Variants in NID2 observed in about 807,000 individuals in gnomAD.
The protein encoded by NID2 is nidogen 2.
NID2 carries 83 observed loss-of-function variants against 145.4 expected under a neutral mutation model. That is an observed-to-expected ratio of 0.57 (90% CI 0.48 to 0.69). The LOEUF (loss-of-function observed/expected upper bound fraction) is 0.69. NID2 is among the 30% of genes least tolerant of loss of function. The pLI is 0.00. For synonymous variants in NID2, 739 were observed against 701.3 expected (o/e 1.05, Z -0.85); for missense variants, 1,807 against 1,765.7 (o/e 1.02, Z -0.42).
chr14:52,068,128 G>T lies in NID2; in HGVS notation c.264C>A (p.Phe88Leu). Residue 88 changes from phenylalanine to leucine, a missense_variant, in exon 2 of 22, where the codon TTC becomes TTA. Coordinates refer to ENST00000216286, the MANE Select transcript of NID2 (RefSeq NM_007361.4). ...AGTCCACATACTGCGTTTCCCTGGGGAAGTCCTGAGTGGAGATGATGCCGT... is the reference window on the plus strand; with the variant it reads ...AGTCCACATACTGCGTTTCCCTGGGTAAGTCCTGAGTGGAGATGATGCCGT... ...GTNGIISTQD[F>L]PRETQYVDYD... is the part of the protein sequence containing the mutation. 6.2e-7 allele frequency: 1 copy of T among 1,613,352 alleles called. No homozygotes were observed. The highest frequency in any genetic ancestry group is 8.5e-7 in the Non-Finnish European group (1 of 1,179,900).
intron 5 of NID2, among the ~76,000 whole-genome samples, chr14:52,052,010 C>T (rs1007629688): frequency 4.6e-5 from 7 of 152,130 alleles, no homozygotes; most frequent in African/African-American, 1.7e-4. Flanking sequence ...TACATGACTC[C>T]ATAGATCTGC....
In NID2 at chr14:52,015,034, G is replaced by C; in HGVS notation, c.3250+20C>G. ...GGCCTTAGATACAGCTGAGGGGAGC[G>C]GGGGCGGCCAGGTGCTTACACGCAG... On this transcript the variant is annotated intron_variant, in intron 15 of 21. Transcript: ENST00000216286. The C allele has an allele frequency of 6.3e-7, 1 of 1,595,856 alleles. No individual in the cohort carries two copies. The highest frequency in any genetic ancestry group is 8.6e-7 in the Non-Finnish European group (1 of 1,168,550).
At chr14:52,013,403 G>C (rs1595003704) in intron 16 of NID2, among the ~76,000 whole-genome samples, 1 of 152,178 alleles carries the variant, frequency 6.6e-6, no homozygotes, top group Non-Finnish European at 1.5e-5. Flanking sequence ...CAACAAACTC[G>C]AATCTTAAAA....
rs200783350 is a variant in NID2, at chr14:52,068,919, A to G, written c.76T>C (p.Leu26=). 8.9e-4 allele frequency: 1,434 copies of G among 1,613,978 alleles called. 33 individuals are homozygous for G. The South Asian group carries it at 0.015, about 17-fold the overall frequency. The part of the protein sequence containing the change: ...PVLLLLPLLM[L]RAAALHPDEL... ...TCTGGGTGCAGCGCCGCGGCCCGCA[A>G]CATTAGCAACGGCAGCAGCAGTAGC... is the stretch of plus-strand genomic sequence containing the variant. Residue 26 remains leucine, a synonymous_variant, in exon 1 of 22, where the codon TTG becomes CTG. Transcript: ENST00000216286.
intron 18 of NID2, chr14:52,009,643 G>C (rs1890930311): frequency 6.6e-6 from 1 of 152,148 alleles, no homozygotes; most frequent in Non-Finnish European, 1.5e-5. Flanking sequence ...CAGAGACATG[G>C]CCAAAGTTTC....
At chr14:52,022,340 G>A (rs977662969) in intron 12 of NID2, among the ~76,000 whole-genome samples, 4 of 152,182 alleles carry the variant, frequency 2.6e-5, no homozygotes, top group Non-Finnish European at 5.9e-5. Flanking sequence ...TATCACAAGT[G>A]AGAAATTCCT....
chr14:52,028,324 G>T lies in NID2; in HGVS notation c.2530+398C>A, dbSNP rs139840883. Among the ~76,000 whole-genome samples the T allele has an allele frequency of 2.2e-3, 340 of 151,464 alleles. 1 individual carries two copies. The highest frequency in any genetic ancestry group is 7.9e-3 in the African/African-American group (328 of 41,276). The stretch of plus-strand genomic sequence containing the variant: ...GAGTCTCACTCTATTACCTAGGCTG[G>T]AATGCACTAGCATGCTGTCAGTTCA... On this transcript the variant is annotated intron_variant, in intron 11 of 21. Transcript: ENST00000216286.
Position 52,040,803 on chromosome 14 carries a change from T to C in NID2, c.1874A>G (p.Glu625Gly). The part of the protein sequence containing the change: ...DMEVTFYPGE[E>G]TVRITQTAEG... ...AGCAGTTTGAGTGATACGAACCGTC[T>C]CCTCTCCCGGGTAGAATGTAACTTC... The change falls in exon 8 of 22, where the codon GAG (glutamate) becomes GGG (glycine). Residue 625 changes from glutamate (E) to glycine (G), a missense_variant. Transcript: ENST00000216286. 4 of 1,614,150 alleles carry C rather than the reference T, an allele frequency of 2.5e-6. No individual in the cohort carries two copies. Among genetic ancestry groups the C allele is most frequent in the Non-Finnish European group, 3.4e-6 (4 of 1,180,040 alleles).
chr14:52,026,177 G>A (rs925484948), intron 12 of NID2, among the ~76,000 whole-genome samples: 1 of 152,204 alleles, frequency 6.6e-6, no homozygotes, highest in Non-Finnish European at 1.5e-5. Context: ...GAAACCAAAG[G>A]GGAAAAAGGA....
chr14:52,030,408 T>C (rs1891758706), intron 9 of NID2, among the ~76,000 whole-genome samples: 1 of 149,030 alleles, frequency 6.7e-6, no homozygotes, highest in African/African-American at 2.5e-5. Flanking sequence ...GAGGCTGAGG[T>C]AGGAGGATAG....
At chr14:52,016,050 C>G (rs1151582) in intron 14 of NID2, among the ~76,000 whole-genome samples, 28 of 151,886 alleles carry the variant, frequency 1.8e-4, no homozygotes, top group Admixed American at 7.2e-4. Flanking sequence ...CCTTTCCCCC[C>G]CTTTCTCCAG....
chr14:52,006,849 TC>T, intron 19 of NID2, 189 bp from the exon 20 acceptor site: 2 of 479,138 alleles, frequency 4.2e-6, no homozygotes, highest in Non-Finnish European at 7.2e-6. Flanking sequence ...ATTCAAACTT[TC>T]AATCCTTTTT....
intron 3 of NID2, among the ~76,000 whole-genome samples, chr14:52,059,089 T>A (rs912721042): frequency 6.6e-6 from 1 of 152,224 alleles, no homozygotes; most frequent in Non-Finnish European, 1.5e-5. Flanking sequence ...TCATAGGCAA[T>A]TTACTTAACT....
At chr14:52,025,041 A>G (rs1891542935) in intron 12 of NID2, among the ~76,000 whole-genome samples, 1 of 152,226 alleles carries the variant, frequency 6.6e-6, no homozygotes, top group Non-Finnish European at 1.5e-5. Context: ...AATATTTTAA[A>G]AGCACCATCT....
In NID2 at chr14:52,015,037, G is replaced by A; in HGVS notation, c.3250+17C>T. ...CTTAGATACAGCTGAGGGGAGCGGGGGCGGCCAGGTGCTTACACGCAGGGG... is the reference window on the plus strand; with the variant it reads ...CTTAGATACAGCTGAGGGGAGCGGGAGCGGCCAGGTGCTTACACGCAGGGG... On this transcript the variant is annotated intron_variant, in intron 15 of 21. Coordinates refer to ENST00000216286, the MANE Select transcript of NID2 (RefSeq NM_007361.4). 3 of 1,600,460 alleles carry A rather than the reference G, an allele frequency of 1.9e-6. No individual in the cohort carries two copies. Among genetic ancestry groups the A allele is most frequent in the Non-Finnish European group, 2.6e-6 (3 of 1,171,948 alleles).
At position 52,068,163 on chromosome 14, in the gene NID2, C is replaced by G. The variant is rs184209522; in HGVS notation, c.229G>C (p.Val77Leu). Residue 77 changes from valine to leucine, a missense_variant and splice_region_variant, in exon 2 of 22, where the codon GTG becomes CTG. Coordinates refer to ENST00000216286, the MANE Select transcript of NID2 (RefSeq NM_007361.4). Reference sequence around the variant, plus strand: ...GTGGAGATGATGCCGTTGGTGCCCACCTGGGAGAGGAGAGGGACAAAAAGG... The same window carrying G: ...GTGGAGATGATGCCGTTGGTGCCCAGCTGGGAGAGGAGAGGGACAAAAAGG... ...FYEARFSNLY[V>L]GTNGIISTQD... 1.9e-6 allele frequency: 3 copies of G among 1,612,824 alleles called. No homozygotes were observed. Among genetic ancestry groups the G allele is most frequent in the African/African-American group, 2.7e-5 (2 of 75,054 alleles).
At chr14:52,021,485 T>C (rs754458242) in intron 12 of NID2, among the ~76,000 whole-genome samples, 5 of 152,180 alleles carry the variant, frequency 3.3e-5, no homozygotes, top group Admixed American at 2.0e-4. Context: ...TAATAACTAA[T>C]GTGCTTTCTC....
chr14:52,028,667 A>G, intron 11 of NID2, 55 bp downstream of exon 11: 1 of 1,584,306 alleles, frequency 6.3e-7, no homozygotes. Flanking sequence ...CAGATTAAAG[A>G]GCAAGATTAA....
At chr14:52,014,986 C>A in intron 15 of NID2, 68 bp downstream of exon 15, 1 of 1,332,490 alleles carries the variant, frequency 7.5e-7, no homozygotes, top group Non-Finnish European at 1.1e-6. Context: ...CACTTCACCA[C>A]AGCAGGCACC....
Sources: gnomAD v4.1 joint callset for allele counts (sites outside exome capture counted in the v4.1 genomes callset) on GRCh38, gnomAD v4.1.1 for gene constraint, MANE v1.5 for transcripts, NCBI Gene and HGNC (gene_info 2026-07-23, HGNC 2026-07-21) for gene names.